Variants in HEPH observed in about 807,000 individuals in gnomAD.
HEPH encodes hephaestin.
HEPH carries 69 observed loss-of-function variants against 80.8 expected under a neutral mutation model. The observed-to-expected ratio is 0.85, with a 90% CI of 0.70 to 1.04. HEPH has a LOEUF of 1.04. Among genes scored for constraint, HEPH ranks in the 50% least tolerant of loss-of-function variants. The probability of loss-of-function intolerance (pLI) is 0.00; values close to 1 mark genes in which losing one functional copy is unlikely to be tolerated. For synonymous variants in HEPH, 431 were observed against 322.8 expected (o/e 1.34, Z -3.60); for missense variants, 1,115 against 891.3 (o/e 1.25, Z -3.20).
rs1334501116 is a variant in HEPH, at chrX:66,266,547, A to C, written c.3352A>C (p.Thr1118Pro). 1.4e-5 allele frequency: 17 copies of C among 1,204,173 alleles called. No homozygotes were observed. Among genetic ancestry groups the C allele is most frequent in the Non-Finnish European group, 1.9e-5 (17 of 892,444 alleles). Reference protein sequence around the residue: ...LASVLVAISVTLLLVVLALGG... With the variant: ...LASVLVAISVPLLLVVLALGG... ...CTCTGTTTTGGTTGCCATTAGTGTC[A>C]CCCTTCTGCTCGTTGTTCTGGCTCT... Residue 1118 changes from threonine to proline, a missense_variant, in exon 21 of 21, where the codon ACC becomes CCC. Thr to Pro is a conservative substitution (Grantham distance 38, BLOSUM62 -1). This residue lies in a region of HEPH where 716 missense variants were observed against 523.5 expected (regional missense o/e 1.37). Coordinates refer to ENST00000343002, the MANE Select transcript of HEPH (RefSeq NM_001367233.3).
intron 15 of HEPH, among the ~76,000 whole-genome samples, chrX:66,208,631 C>CGT (rs2088935820): frequency 2.8e-5 from 1 of 35,102 alleles, no homozygotes; most frequent in South Asian, 3.8e-3. Context: ...TATATACATA[C>CGT]ATATATATAT....
intron 13 of HEPH, among the ~76,000 whole-genome samples, chrX:66,204,240 A>T (rs1231954840): frequency 8.9e-6 from 1 of 112,108 alleles, no homozygotes; most frequent in East Asian, 2.8e-4. Context: ...TCTTATGGCC[A>T]TAATTGGCTG....
At chrX:66,219,195 C>A (rs906538015) in intron 15 of HEPH, among the ~76,000 whole-genome samples, 1 of 112,128 alleles carries the variant, frequency 8.9e-6, no homozygotes, top group Non-Finnish European at 1.9e-5. Context: ...AGCAAGGAAG[C>A]AGTAAGCAGG....
At position 66,195,753 on chromosome X, in the gene HEPH, GT is replaced by G. The variant is rs1215835282; in HGVS notation, c.1501+531del. On this transcript the variant is annotated intron_variant, in intron 9 of 20. Transcript: ENST00000343002. ...TTTCCTCTATTGCTTGGACATGTAG[GT>G]TTTTTTCAGTATTTTTGAATATTGT... Among the ~76,000 whole-genome samples, 14 of 111,197 alleles carry G rather than the reference GT, an allele frequency of 1.3e-4. No homozygotes were observed. In the Admixed American group the frequency reaches 1.3e-3, roughly 11 times the overall value.
intron 16 of HEPH, 151 bp from the exon 17 acceptor site, chrX:66,255,954 T>C: frequency 4.6e-6 from 2 of 435,918 alleles, no homozygotes; most frequent in Non-Finnish European, 7.9e-6. Flanking sequence ...TGAATTCAAA[T>C]AACATAGTGG....
chrX:66,211,888 T>G (rs1602360441), intron 15 of HEPH, among the ~76,000 whole-genome samples: 1 of 111,832 alleles, frequency 8.9e-6, no homozygotes, highest in Non-Finnish European at 1.9e-5. Flanking sequence ...TAGTAATTTT[T>G]TAGTTTTTTT....
rs1030337029 is a variant in HEPH, at chrX:66,171,301, A to G, written c.167+564A>G. On this transcript the variant is annotated intron_variant, in intron 2 of 20. Transcript: ENST00000343002. ...TGTGTGTAGTTATTTTATAGATGAG[A>G]AAACTGAGGCTCAGAGAGGTCAAGT... The G allele has an allele frequency of 2.0e-5, 4 of 197,464 alleles. No individual in the cohort carries two copies. In the Admixed American group the frequency reaches 2.1e-4, roughly 10 times the overall value. The allele number at this position is 197,464 out of a possible 1,213,427, so 16.3% of individuals were successfully genotyped here. A position where few individuals can be genotyped will look rare whatever the true frequency, so the allele number is the denominator to read the frequency against.
At chrX:66,264,997 T>C (rs778622502) in intron 20 of HEPH, among the ~76,000 whole-genome samples, 1 of 109,762 alleles carries the variant, frequency 9.1e-6, no homozygotes, top group Non-Finnish European at 1.9e-5. Context: ...GAAAAAAGCC[T>C]TTGAAACTGT....
intron 15 of HEPH, among the ~76,000 whole-genome samples, chrX:66,224,629 G>A (rs1413955994): frequency 1.8e-5 from 2 of 111,835 alleles, no homozygotes; most frequent in African/African-American, 3.3e-5. Context: ...GCCATCCAGG[G>A]GTTACTGGGT....
chrX:66,228,986 C>A (rs1311310535), intron 15 of HEPH, among the ~76,000 whole-genome samples: 1 of 112,425 alleles, frequency 8.9e-6, no homozygotes, highest in Non-Finnish European at 1.9e-5. Context: ...CCTTAAAGAA[C>A]TAGAAGTAGA....
chrX:66,162,899 C>A (rs569080941), upstream of HEPH: 41 of 1,142,559 alleles, frequency 3.6e-5, no homozygotes, highest in Admixed American at 8.3e-4. Flanking sequence ...GGTGGTGGAA[C>A]CCCCATCATA....
At chrX:66,256,706 C>A (rs746452659) in intron 17 of HEPH, among the ~76,000 whole-genome samples, 1 of 112,055 alleles carries the variant, frequency 8.9e-6, no homozygotes, top group South Asian at 3.7e-4. Context: ...CCAATATCAT[C>A]TTATTTATTT....
At chrX:66,253,535 CG>C (rs1201966996) in intron 15 of HEPH, among the ~76,000 whole-genome samples, 3 of 112,133 alleles carry the variant, frequency 2.7e-5, no homozygotes, top group Non-Finnish European at 5.6e-5. Flanking sequence ...AAATGGTGCA[CG>C]TGCTTTGGAA....
intron 12 of HEPH, among the ~76,000 whole-genome samples, chrX:66,202,937 A>ATG (rs1162527548): frequency 9.8e-6 from 1 of 101,539 alleles, no homozygotes; most frequent in African/African-American, 3.7e-5. Flanking sequence ...ATATATATAT[A>ATG]TACACACACA....
At chrX:66,259,883 A>T (rs1477613866) in intron 18 of HEPH, among the ~76,000 whole-genome samples, 2 of 107,031 alleles carry the variant, frequency 1.9e-5, no homozygotes, top group African/African-American at 6.8e-5. Context: ...AATTTTTTTT[A>T]TTTTTTTTAT....
At chrX:66,190,503 G>A (rs1490898437) in intron 6 of HEPH, among the ~76,000 whole-genome samples, 1 of 111,403 alleles carries the variant, frequency 9.0e-6, no homozygotes, top group Non-Finnish European at 1.9e-5. Flanking sequence ...AAGAATAGTA[G>A]ATAAGTGGTT....
At chrX:66,227,350 T>C (rs1297802146) in intron 15 of HEPH, among the ~76,000 whole-genome samples, 2 of 111,163 alleles carry the variant, frequency 1.8e-5, no homozygotes, top group Non-Finnish European at 3.8e-5. Flanking sequence ...TGGGGAAAAG[T>C]TGAAAGCCTT....
Position 66,256,204 on chromosome X carries a change from T to C in HEPH, c.2770T>C (p.Leu924=), listed in dbSNP as rs1025437887. The change falls in exon 17 of 21, where the codon TTG becomes CTG. Residue 924 remains leucine, a synonymous_variant. Transcript: ENST00000343002. ...TGACATGGATCGGGAATTTGCATTG[T>C]TGTTCTTGATTTTTGATGAAAATAA... ...RSDMDREFAL[L]FLIFDENKSW... is the part of the protein sequence containing the mutation. 2.5e-6 allele frequency: 3 copies of C among 1,209,741 alleles called. No individual in the cohort carries two copies. Among genetic ancestry groups the C allele is most frequent in the Admixed American group, 4.4e-5 (2 of 45,783 alleles).
At chrX:66,189,983 T>G in intron 6 of HEPH, 45 bp downstream of exon 6, 10 of 1,128,133 alleles carry the variant, frequency 8.9e-6, no homozygotes, top group Non-Finnish European at 1.1e-5. Flanking sequence ...GAGAGAGGTA[T>G]GATAATGGTC....
Sources: gnomAD v4.1 joint callset for allele counts (sites outside exome capture counted in the v4.1 genomes callset) on GRCh38, gnomAD v4.1.1 for gene constraint, gnomAD v4.1.1 regional missense constraint, MANE v1.5 for transcripts, NCBI Gene and HGNC (gene_info 2026-07-23, HGNC 2026-07-21) for gene names.